Variants in SDSL observed in about 807,000 individuals in gnomAD.
SDSL encodes serine dehydratase-like.
Under a neutral mutation model 27.6 loss-of-function variants are expected in SDSL, and 26 were observed. That is an observed-to-expected ratio of 0.94 (90% confidence interval 0.69 to 1.31). SDSL has a LOEUF of 1.31. Among genes scored for constraint, SDSL ranks in the 50% most tolerant of loss-of-function variants. The pLI, the probability that SDSL is intolerant of heterozygous loss-of-function variation, is 0.00. For missense variants in SDSL, 431 were observed against 423.5 expected (o/e 1.02, Z -0.16); for synonymous variants, 196 against 180.6 (o/e 1.09, Z -0.69).
chr12:113,431,863 C>T (rs547537650), intron 4 of SDSL, among the ~76,000 whole-genome samples: 8 of 151,828 alleles, frequency 5.3e-5, no homozygotes, highest in South Asian at 2.1e-4. Flanking sequence ...CTCAGCCTCC[C>T]GAGTAGCTGG....
intron 2 of SDSL, 108 bp from the exon 3 acceptor site, chr12:113,428,312 G>C: frequency 2.3e-6 from 3 of 1,316,254 alleles, no homozygotes; most frequent in Non-Finnish European, 3.2e-6. Flanking sequence ...GCAGGATGAG[G>C]GGTAAAGGCG....
intron 3 of SDSL, among the ~76,000 whole-genome samples, 171 bp from the exon 4 acceptor site, chr12:113,428,989 T>C (rs921444491): frequency 5.3e-5 from 8 of 151,840 alleles, no homozygotes; most frequent in African/African-American, 1.9e-4. Flanking sequence ...GGGGATTAGG[T>C]TCTGATTGGC....
At chr12:113,424,088 A>G (rs1369836361) in intron 1 of SDSL, among the ~76,000 whole-genome samples, 2 of 151,890 alleles carry the variant, frequency 1.3e-5, no homozygotes, top group East Asian at 3.9e-4. Flanking sequence ...GCTCACTGCA[A>G]CCTCGCCTCA....
chr12:113,436,566 G>T (rs149475940), intron 6 of SDSL, among the ~76,000 whole-genome samples, 185 bp from the exon 7 acceptor site: 1,783 of 152,262 alleles, frequency 0.012, 20 homozygotes, highest in Middle Eastern at 0.038. Context: ...TGGGATTACA[G>T]GCGTGAGCCA....
chr12:113,437,002 C>T, intron 7 of SDSL, 127 bp downstream of exon 7: 1 of 929,298 alleles, frequency 1.1e-6, no homozygotes, highest in South Asian at 2.2e-5. Context: ...AGTTACTGTG[C>T]ACTAAGTGCA....
intron 4 of SDSL, among the ~76,000 whole-genome samples, chr12:113,430,420 C>G (rs1957907346): frequency 6.6e-6 from 1 of 152,192 alleles, no homozygotes. Context: ...CAAATAGCAG[C>G]AGCTTATAAG....
intron 1 of SDSL, chr12:113,426,201 T>G (rs527649650): frequency 1.1e-5 from 5 of 455,818 alleles, no homozygotes; most frequent in Non-Finnish European, 1.8e-5. Context: ...AAAGTGCATT[T>G]CTCCCTCGAG....
At chr12:113,427,278 T>C (rs1460290623) in intron 1 of SDSL, 1 of 152,386 alleles carries the variant, frequency 6.6e-6, no homozygotes, top group Non-Finnish European at 1.5e-5. Context: ...GCCTGGCTAA[T>C]TTTTGTATTT....
At chr12:113,436,901 G>A in intron 7 of SDSL, 26 bp downstream of exon 7, 1 of 1,539,796 alleles carries the variant, frequency 6.5e-7, no homozygotes, top group Non-Finnish European at 8.7e-7. Context: ...CCTCCACCTG[G>A]GCTCAGAGAC....
intron 1 of SDSL, among the ~76,000 whole-genome samples, chr12:113,425,133 A>T (rs1957832613): frequency 1.3e-5 from 2 of 152,252 alleles, no homozygotes; most frequent in Middle Eastern, 6.8e-3. Flanking sequence ...AGGTTGTGAC[A>T]CTTGTTTGGG....
At position 113,427,881 on chromosome 12, in the gene SDSL, T is replaced by C. The variant is rs1460724377; in HGVS notation, c.-21-81T>C. ...TGAAGGGCACCTAAGCCAAGGGCTTTCTCCACCTTCCCCTCCCTGTCCTGG... is the reference window on the plus strand; with the variant it reads ...TGAAGGGCACCTAAGCCAAGGGCTTCCTCCACCTTCCCCTCCCTGTCCTGG... On this transcript the variant is annotated intron_variant, in intron 1 of 7. Coordinates refer to ENST00000403593, the MANE Select transcript of SDSL (RefSeq NM_001304993.2). The C allele has an allele frequency of 3.7e-6, 5 of 1,336,140 alleles. No individual in the cohort carries two copies. In the African/African-American group the frequency reaches 4.4e-5, roughly 12 times the overall value. The allele number at this position is 1,336,140 out of a possible 1,614,324, so 82.8% of individuals were successfully genotyped here. A position where few individuals can be genotyped will look rare whatever the true frequency, so the allele number is the denominator to read the frequency against.
At chr12:113,424,163 C>A (rs1322563542) in intron 1 of SDSL, among the ~76,000 whole-genome samples, 1 of 152,118 alleles carries the variant, frequency 6.6e-6, no homozygotes, top group African/African-American at 2.4e-5. Context: ...GCTGGGATTA[C>A]AGGCATGCGC....
At chr12:113,423,501 G>C (rs1363140762) in intron 1 of SDSL, among the ~76,000 whole-genome samples, 1 of 152,132 alleles carries the variant, frequency 6.6e-6, no homozygotes, top group Non-Finnish European at 1.5e-5. Flanking sequence ...CTAGTGTTTT[G>C]AGAGGCAGAG....
intron 1 of SDSL, among the ~76,000 whole-genome samples, chr12:113,424,265 G>T (rs1201482110): frequency 6.6e-6 from 1 of 151,892 alleles, no homozygotes; most frequent in South Asian, 2.1e-4. Flanking sequence ...CAGGTGATCC[G>T]CCTGCCTCTG....
intron 7 of SDSL, 27 bp downstream of exon 7, chr12:113,436,902 G>T: frequency 3.3e-6 from 5 of 1,535,976 alleles, no homozygotes; most frequent in South Asian, 1.3e-5. Flanking sequence ...CTCCACCTGG[G>T]CTCAGAGACC....
chr12:113,428,518 G>A lies in SDSL; in HGVS notation c.214+59G>A, dbSNP rs916491765. 9 of 1,507,316 alleles carry A rather than the reference G, an allele frequency of 6.0e-6. No homozygotes were observed. In the African/African-American group the frequency reaches 1.2e-4, roughly 21 times the overall value. 93.4% of individuals were successfully genotyped at this position (1,507,316 alleles called of 1,614,324 possible). ...GTTGGGGGAGGAGGAATAGGCTGGA[G>A]CGGCAGTACACATCCAGGGTTGGTC... is the stretch of plus-strand genomic sequence containing the variant. On this transcript the variant is annotated intron_variant, in intron 3 of 7. Transcript: ENST00000403593.
chr12:113,434,107 T>C (rs996627577), intron 4 of SDSL, 27 bp from the exon 5 acceptor site: 9 of 1,601,632 alleles, frequency 5.6e-6, no homozygotes, highest in Admixed American at 1.7e-5. Context: ...CTCCCGGCTG[T>C]TCTGAGGGCC....
At chr12:113,428,494 T>G (rs1178930169) in intron 3 of SDSL, 35 bp downstream of exon 3, 3 of 1,598,318 alleles carry the variant, frequency 1.9e-6, no homozygotes, top group Admixed American at 1.7e-5. Flanking sequence ...TGGGCAGAGG[T>G]TGGGGGAGGA....
chr12:113,430,943 T>C (rs1005097475), intron 4 of SDSL, among the ~76,000 whole-genome samples: 1 of 152,154 alleles, frequency 6.6e-6, no homozygotes, highest in Non-Finnish European at 1.5e-5. Context: ...GGTGTAGGTG[T>C]ATGATTCTAA....
Sources: allele counts gnomAD v4.1 joint callset (sites outside exome capture counted in the v4.1 genomes callset), GRCh38; gene constraint gnomAD v4.1.1; transcripts MANE v1.5; gene names NCBI Gene and HGNC (gene_info 2026-07-23, HGNC 2026-07-21).